Variants in CEP128 observed in about 807,000 individuals in gnomAD.
The protein encoded by CEP128 is centrosomal protein 128kDa.
In CEP128, 132 loss-of-function variants were observed where a neutral mutation model predicts 156.7. That is an observed-to-expected ratio of 0.84 (90% CI 0.73 to 0.97). The LOEUF (loss-of-function observed/expected upper bound fraction) is 0.97, where lower values mean the gene tolerates loss of function less well. Ranked by LOEUF, CEP128 falls within the 50% of genes least tolerant of loss-of-function variation. The probability of loss-of-function intolerance (pLI) is 0.00; values close to 1 mark genes in which losing one functional copy is unlikely to be tolerated. For synonymous variants in CEP128, 469 were observed against 448.9 expected (o/e 1.04, Z -0.57); for missense variants, 1,252 against 1,281.9 (o/e 0.98, Z 0.36).
intron 19 of CEP128, among the ~76,000 whole-genome samples, chr14:80,583,812 A>G (rs1017716831): frequency 2.0e-5 from 3 of 152,198 alleles, no homozygotes; most frequent in African/African-American, 7.2e-5. Flanking sequence ...AAAAGTCTCC[A>G]GGGATGTAGT....
chr14:80,753,795 T>C (rs1899506304), intron 18 of CEP128, among the ~76,000 whole-genome samples: 1 of 152,206 alleles, frequency 6.6e-6, no homozygotes, highest in African/African-American at 2.4e-5. Context: ...TGATCATTTA[T>C]TCAGATACCA....
intron 8 of CEP128, among the ~76,000 whole-genome samples, chr14:80,869,928 T>C (rs1323471867): frequency 1.3e-5 from 2 of 152,058 alleles, no homozygotes; most frequent in East Asian, 3.9e-4. Context: ...TTACAAATGA[T>C]ACCACAAAAA....
At chr14:80,504,890 G>C in intron 24 of CEP128, 22 bp downstream of exon 24, 1 of 1,279,696 alleles carries the variant, frequency 7.8e-7, no homozygotes. Context: ...TTTAAAAATG[G>C]GTACAAGACT....
At chr14:80,602,141 A>G (rs8017020) in intron 19 of CEP128, among the ~76,000 whole-genome samples, 19,867 of 152,222 alleles carry the variant, frequency 0.13, 2,213 homozygotes, top group African/African-American at 0.3. Flanking sequence ...TCAAGACTAT[A>G]TAACAATTAT....
Position 80,822,984 on chromosome 14 carries a change from G to A in CEP128, c.1209+8159C>T, listed in dbSNP as rs143748407. On this transcript the variant is annotated intron_variant, in intron 13 of 24. Coordinates refer to ENST00000555265, the MANE Select transcript of CEP128 (RefSeq NM_152446.5). The stretch of plus-strand genomic sequence containing the variant: ...TCACTAACAGAATGTCTCCAAAGCT[G>A]GACTGATGTGGGGAAAACACCTTTC... Among the ~76,000 whole-genome samples the A allele has an allele frequency of 1.9e-3, 295 of 152,284 alleles. 1 individual carries two copies. Among genetic ancestry groups the A allele is most frequent in the Non-Finnish European group, 3.1e-3 (208 of 68,038 alleles).
At chr14:80,682,835 G>A (rs1896375947) in intron 19 of CEP128, among the ~76,000 whole-genome samples, 2 of 152,136 alleles carry the variant, frequency 1.3e-5, no homozygotes, top group African/African-American at 2.4e-5. Context: ...TTCATTTTCT[G>A]CCAAACTAAG....
intron 8 of CEP128, among the ~76,000 whole-genome samples, chr14:80,888,493 C>T (rs1214419712): frequency 2.6e-5 from 4 of 152,122 alleles, no homozygotes. Flanking sequence ...AATCAATAAA[C>T]ATAATCCATC....
intron 14 of CEP128, among the ~76,000 whole-genome samples, chr14:80,480,552 G>T (rs1293088006): frequency 6.6e-6 from 1 of 152,020 alleles, no homozygotes; most frequent in African/African-American, 2.4e-5. Flanking sequence ...TTTCCTCCTG[G>T]GCCTGCAGGC....
chr14:80,679,378 T>G (rs957984343), intron 19 of CEP128, among the ~76,000 whole-genome samples: 3 of 152,094 alleles, frequency 2.0e-5, no homozygotes, highest in African/African-American at 7.2e-5. Context: ...CAAGGAATAT[T>G]AATATTTAAT....
chr14:80,569,044 G>T (rs1595019761), intron 20 of CEP128, among the ~76,000 whole-genome samples: 1 of 152,254 alleles, frequency 6.6e-6, no homozygotes, highest in South Asian at 2.1e-4. Flanking sequence ...AGTAGCTTCG[G>T]CTGTTTGAGA....
downstream of CEP128, among the ~76,000 whole-genome samples, chr14:80,496,218 C>T (rs547702159): frequency 7.9e-5 from 12 of 152,134 alleles, no homozygotes; most frequent in South Asian, 2.1e-4. Flanking sequence ...AGTAAGCACT[C>T]GATAAAAGAT....
rs573516414 is a variant in CEP128 at position 80,695,689 on chromosome 14, C to G, written c.2806+47386G>C. Among the ~76,000 whole-genome samples the G allele has an allele frequency of 4.8e-4, 71 of 148,458 alleles. No individual in the cohort carries two copies. The Middle Eastern group carries it at 0.015, about 31-fold the overall frequency. ...CCAAGATCACACCATTGCACTCCAG[C>G]CTGGGCAACAAGAGACTCCATCTCA... On this transcript the variant is annotated intron_variant, in intron 19 of 24. Transcript: ENST00000555265.
intron 2 of CEP128, among the ~76,000 whole-genome samples, chr14:80,948,524 G>A (rs1281929660): frequency 2.6e-5 from 4 of 152,176 alleles, no homozygotes; most frequent in Non-Finnish European, 4.4e-5. Context: ...CAATAAAGAG[G>A]TTATGGAAAG....
At chr14:80,656,327 A>G (rs1329538144) in intron 19 of CEP128, among the ~76,000 whole-genome samples, 3 of 24,910 alleles carry the variant, frequency 1.2e-4, no homozygotes, top group African/African-American at 4.2e-4. Flanking sequence ...ATATATATAT[A>G]TATATATATA....
intron 2 of CEP128, among the ~76,000 whole-genome samples, chr14:80,928,680 G>A (rs1038351344): frequency 5.9e-5 from 9 of 151,952 alleles, no homozygotes; most frequent in Admixed American, 2.0e-4. Context: ...AATCACAGGC[G>A]TTCCTGAGAA....
downstream of CEP128, among the ~76,000 whole-genome samples, chr14:80,495,551 T>C (rs1375132292): frequency 6.6e-6 from 1 of 152,130 alleles, no homozygotes; most frequent in Non-Finnish European, 1.5e-5. Context: ...TTTAAAAAGT[T>C]ACTTCATAAG....
At chr14:80,597,195 C>T (rs1250008479) in intron 19 of CEP128, among the ~76,000 whole-genome samples, 4 of 151,850 alleles carry the variant, frequency 2.6e-5, no homozygotes, top group East Asian at 1.9e-4. Flanking sequence ...GAAAGAGAGA[C>T]GGGGCAGGGA....
chr14:80,520,989 A>ATTTTTTT (rs533538115), intron 23 of CEP128, among the ~76,000 whole-genome samples: 1 of 114,586 alleles, frequency 8.7e-6, no homozygotes, highest in Non-Finnish European at 1.8e-5. Context: ...CGCCCAGCTA[A>ATTTTTTT]TTTTTTTTTT....
chr14:80,905,425 A>C (rs1325073980), intron 5 of CEP128: 4 of 155,158 alleles, frequency 2.6e-5, no homozygotes, highest in Non-Finnish European at 5.7e-5. Flanking sequence ...TCAATTATCT[A>C]AATCACCTTC....
Sources: gnomAD v4.1 joint callset for allele counts (sites outside exome capture counted in the v4.1 genomes callset) on GRCh38, gnomAD v4.1.1 for gene constraint, MANE v1.5 for transcripts, NCBI Gene and HGNC (gene_info 2026-07-23, HGNC 2026-07-21) for gene names.